Variants in MYO5C observed in about 807,000 individuals in gnomAD.
MYO5C encodes myosin VC, also known as unconventional myosin-Vc.
In MYO5C, 194 loss-of-function variants were observed where a neutral mutation model predicts 235.7. The ratio of observed to expected loss-of-function variants is 0.82; its 90% CI spans 0.73 to 0.93. The LOEUF is 0.93. Among genes scored for constraint, MYO5C ranks in the 40% least tolerant of loss-of-function variants. The pLI is 0.00. For synonymous variants in MYO5C, 707 were observed against 754.8 expected (o/e 0.94, Z 1.04); for missense variants, 2,038 against 2,127.2 (o/e 0.96, Z 0.82).
chr15:52,193,807 A>C lies in MYO5C; in HGVS notation c.*95T>G, dbSNP rs1401894503. 1.9e-5 allele frequency: 26 copies of C among 1,364,858 alleles called. No homozygotes were observed. The highest frequency in any genetic ancestry group is 6.1e-6 in the Non-Finnish European group (6 of 990,994). 84.5% of individuals were successfully genotyped at this position (1,364,858 alleles called of 1,614,324 possible). A position where few individuals can be genotyped will look rare whatever the true frequency, so the allele number is the denominator to read the frequency against. On this transcript the variant is annotated 3_prime_UTR_variant, in exon 41 of 41. Coordinates refer to ENST00000261839, the MANE Select transcript of MYO5C (RefSeq NM_018728.4). Reference sequence around the variant, plus strand: ...AAAAGTCTGTTTTCTTCCTTAAATCACATTCCAATTTCCACTGCCAATTAA... The same window carrying C: ...AAAAGTCTGTTTTCTTCCTTAAATCCCATTCCAATTTCCACTGCCAATTAA...
intron 7 of MYO5C, among the ~76,000 whole-genome samples, chr15:52,270,634 G>GTA (rs369672217): frequency 0.014 from 2,035 of 147,486 alleles, 23 homozygotes; most frequent in Non-Finnish European, 0.018. Flanking sequence ...AAATGTATGT[G>GTA]TATATATATA....
At chr15:52,239,046 G>C (rs1205526839) in intron 21 of MYO5C, among the ~76,000 whole-genome samples, 2 of 151,828 alleles carry the variant, frequency 1.3e-5, no homozygotes, top group African/African-American at 4.8e-5. Flanking sequence ...CTGCCTCCCA[G>C]GTTCAAGCAA....
intron 24 of MYO5C, 47 bp from the exon 25 acceptor site, chr15:52,229,360 G>A: frequency 6.3e-7 from 1 of 1,577,692 alleles, no homozygotes; most frequent in Non-Finnish European, 8.6e-7. Context: ...CATGGTGGCT[G>A]AAACCTGTAA....
chr15:52,235,151 G>A (rs2036049876), intron 23 of MYO5C, among the ~76,000 whole-genome samples: 1 of 152,164 alleles, frequency 6.6e-6, no homozygotes, highest in African/African-American at 2.4e-5. Context: ...TCTTCATTCA[G>A]GGCAGGACAG....
chr15:52,264,569 G>A (rs1418179462), intron 8 of MYO5C, among the ~76,000 whole-genome samples: 2 of 152,272 alleles, frequency 1.3e-5, no homozygotes, highest in East Asian at 1.9e-4. Flanking sequence ...TTTCACATTA[G>A]GTTCCTCGGA....
At chr15:52,276,802 T>A (rs1004563070) in intron 4 of MYO5C, among the ~76,000 whole-genome samples, 6 of 152,184 alleles carry the variant, frequency 3.9e-5, no homozygotes, top group African/African-American at 1.2e-4. Context: ...ATTTAGAGAT[T>A]TTTTAAAAAT....
chr15:52,214,069 A>G (rs2035504741), intron 33 of MYO5C, among the ~76,000 whole-genome samples: 1 of 152,214 alleles, frequency 6.6e-6, no homozygotes, highest in South Asian at 2.1e-4. Context: ...AAAGAATGAA[A>G]GAGTGAGAAA....
At chr15:52,253,541 G>T in intron 11 of MYO5C, 84 bp from the exon 12 acceptor site, 1 of 1,226,322 alleles carries the variant, frequency 8.2e-7, no homozygotes, top group South Asian at 1.3e-5. Flanking sequence ...TTTGGAAAAT[G>T]TAAATGGTTG....
At chr15:52,234,220 G>A (rs1382672123) in intron 23 of MYO5C, among the ~76,000 whole-genome samples, 2 of 152,216 alleles carry the variant, frequency 1.3e-5, no homozygotes, top group African/African-American at 4.8e-5. Flanking sequence ...ATCTCAAAAA[G>A]GAGAAACAGC....
intron 29 of MYO5C, among the ~76,000 whole-genome samples, chr15:52,221,882 C>T (rs149720372): frequency 1.2e-4 from 19 of 152,300 alleles, no homozygotes; most frequent in African/African-American, 2.6e-4. Flanking sequence ...CCCTGATTTA[C>T]GATGGCTCAA....
rs144068564 is a variant in MYO5C, at chr15:52,224,795, T to C, written c.3446+106A>G. 2,071 of 857,272 alleles carry C rather than the reference T, an allele frequency of 2.4e-3. 23 individuals carry two copies. In the Admixed American group the frequency reaches 0.025, roughly 10 times the overall value. The allele number at this position is 857,272 out of a possible 1,614,324, so 53.1% of individuals were successfully genotyped here. A position where few individuals can be genotyped will look rare whatever the true frequency, so the allele number is the denominator to read the frequency against. ...TCTAGTGGTTATTCAGTCATTCTAC[T>C]ATAAGGAATTTGTGTATCAATCTAT... On this transcript the variant is annotated intron_variant, in intron 28 of 40. Coordinates refer to ENST00000261839, the MANE Select transcript of MYO5C (RefSeq NM_018728.4).
At chr15:52,248,810 C>A in intron 13 of MYO5C, 27 bp from the exon 14 acceptor site, 2 of 1,486,452 alleles carry the variant, frequency 1.3e-6, no homozygotes, top group South Asian at 1.1e-5. Flanking sequence ...ATTAATTATT[C>A]CCAAAGAGGC....
chr15:52,287,890 C>T (rs578152714), intron 1 of MYO5C, among the ~76,000 whole-genome samples: 34 of 152,112 alleles, frequency 2.2e-4, no homozygotes, highest in Admixed American at 5.9e-4. Flanking sequence ...GCAGGAGAAT[C>T]GCTTGAACCC....
chr15:52,277,677 T>G (rs2037081732), intron 4 of MYO5C, among the ~76,000 whole-genome samples: 1 of 152,050 alleles, frequency 6.6e-6, no homozygotes, highest in Non-Finnish European at 1.5e-5. Flanking sequence ...CCTTGTTACC[T>G]AGAATATGGA....
At chr15:52,274,166 G>A (rs1405053167) in intron 5 of MYO5C, among the ~76,000 whole-genome samples, 2 of 152,134 alleles carry the variant, frequency 1.3e-5, no homozygotes, top group Non-Finnish European at 2.9e-5. Flanking sequence ...GGTAAACAAA[G>A]GTAAACCAAA....
chr15:52,198,310 G>T (rs2035101847), intron 38 of MYO5C, among the ~76,000 whole-genome samples: 1 of 152,182 alleles, frequency 6.6e-6, no homozygotes. Context: ...AGTTCAGCCT[G>T]GGCGACAAGA....
In MYO5C at chr15:52,246,023, C is replaced by A. The variant is rs1335046239; in HGVS notation, c.1999G>T (p.Val667Phe). The A allele has an allele frequency of 6.2e-7, 1 of 1,613,990 alleles. No homozygotes were observed. The highest frequency in any genetic ancestry group is 1.3e-5 in the African/African-American group (1 of 74,920). ...ACGCCGCAGGCTCGCAGCTGCTGAA[C>A]AATTCTTTTGGAGTCAAATCTTTAA... ...LPFEFDSKRI[V>F]QQLRACGVLE... Residue 667 changes from valine (V) to phenylalanine (F), a missense_variant, in exon 17 of 41, where the codon GTT becomes TTT. By Grantham distance (50) the Val-to-Phe change is conservative. Coordinates refer to ENST00000261839, the MANE Select transcript of MYO5C (RefSeq NM_018728.4).
chr15:52,240,028 A>G, intron 20 of MYO5C, 149 bp from the exon 21 acceptor site: 1 of 754,812 alleles, frequency 1.3e-6, no homozygotes, highest in Non-Finnish European at 2.0e-6. Context: ...AGACTTTTCA[A>G]ACAATAACCA....
intron 1 of MYO5C, among the ~76,000 whole-genome samples, chr15:52,285,947 G>C (rs1473923417): frequency 1.3e-5 from 2 of 152,134 alleles, no homozygotes; most frequent in Non-Finnish European, 2.9e-5. Context: ...TAGGAAGTGA[G>C]GAGCGCCTCT....
Sources: gnomAD v4.1 joint callset for allele counts (sites outside exome capture counted in the v4.1 genomes callset) on GRCh38, gnomAD v4.1.1 for gene constraint, MANE v1.5 for transcripts, NCBI Gene and HGNC (gene_info 2026-07-23, HGNC 2026-07-21) for gene names.